LRP5: variants seen among roughly 807,000 people sequenced by gnomAD.
LRP5 encodes low-density lipoprotein receptor-related protein 5.
A neutral mutation model predicts 154.1 loss-of-function variants in LRP5; 62 were observed. The ratio of observed to expected loss-of-function variants is 0.40; its 90% CI spans 0.33 to 0.50. LRP5 has a LOEUF of 0.50. LRP5 is among the 20% of genes least tolerant of loss of function. The pLI is 0.55. For synonymous variants in LRP5, 966 were observed against 1,011.5 expected (o/e 0.96, Z 0.85); for missense variants, 1,915 against 2,336.7 (o/e 0.82, Z 3.72).
In LRP5 at chr11:68,409,978, A is replaced by T; in HGVS notation, c.2156A>T (p.Tyr719Phe). Residue 719 changes from tyrosine to phenylalanine, a missense_variant, in exon 10 of 23, where the codon TAC becomes TTC. By Grantham distance (22) the Tyr-to-Phe change is conservative. This residue lies in a region of LRP5 where 773 missense variants were observed against 1,100.9 expected (regional missense o/e 0.70). Transcript: ENST00000294304. ...CACGTGGTGGAGTTTGGCCTTGACT[A>T]CCCCGAGGGCATGGCCGTTGACTGG... is the stretch of plus-strand genomic sequence containing the variant. ...VEHVVEFGLD[Y>F]PEGMAVDWMG... is the part of the protein sequence containing the mutation. The T allele has an allele frequency of 6.2e-7, 1 of 1,613,794 alleles. No homozygotes were observed. The highest frequency in any genetic ancestry group is 8.5e-7 in the Non-Finnish European group (1 of 1,179,970).
chr11:68,425,124 C>A lies in LRP5; in HGVS notation c.3259C>A (p.Gln1087Lys). 1 of 1,613,802 alleles carries A rather than the reference C, an allele frequency of 6.2e-7. No homozygotes were observed. Among genetic ancestry groups the A allele is most frequent in the Non-Finnish European group, 8.5e-7 (1 of 1,179,980 alleles). The change falls in exon 15 of 23, where the codon CAG becomes AAG. Residue 1087 changes from glutamine (Q) to lysine (K), a missense_variant. Physicochemically the swap from Gln to Lys is moderately conservative, Grantham distance 53. Coordinates refer to ENST00000294304, the MANE Select transcript of LRP5 (RefSeq NM_002335.4). The stretch of plus-strand genomic sequence containing the variant: ...CAGGTACCTGTACTTCACCAACATG[C>A]AGGACCGGGCAGCCAAGATCGAACG... ...ERGYLYFTNM[Q>K]DRAAKIERAA...
chr11:68,314,477 G>T (rs558823521), intron 1 of LRP5, among the ~76,000 whole-genome samples: 1 of 152,370 alleles, frequency 6.6e-6, no homozygotes, highest in South Asian at 2.1e-4. Flanking sequence ...CGGTTTTGAT[G>T]TTATATCCCT....
At chr11:68,328,924 C>T (rs1465714766) in intron 1 of LRP5, among the ~76,000 whole-genome samples, 1 of 152,230 alleles carries the variant, frequency 6.6e-6, no homozygotes, top group Non-Finnish European at 1.5e-5. Flanking sequence ...GGGCACAGAC[C>T]TTCCTCGGCT....
chr11:68,405,068 G>A (rs572356823), intron 8 of LRP5, among the ~76,000 whole-genome samples: 2 of 151,896 alleles, frequency 1.3e-5, no homozygotes, highest in South Asian at 4.2e-4. Context: ...CTGAGGCGGA[G>A]AATTGCTTGA....
At chr11:68,314,531 A>G (rs1164441142) in intron 1 of LRP5, among the ~76,000 whole-genome samples, 1 of 152,232 alleles carries the variant, frequency 6.6e-6, no homozygotes, top group Non-Finnish European at 1.5e-5. Flanking sequence ...CAGCGAAGCC[A>G]GTAAGTGGGC....
intron 1 of LRP5, among the ~76,000 whole-genome samples, chr11:68,340,471 C>T (rs182415403): frequency 3.9e-5 from 6 of 152,278 alleles, no homozygotes; most frequent in East Asian, 3.9e-4. Flanking sequence ...TACCCCCTCC[C>T]GGCTGTTACC....
chr11:68,409,291 TATATA>T (rs902532543), intron 9 of LRP5, among the ~76,000 whole-genome samples: 3 of 142,432 alleles, frequency 2.1e-5, no homozygotes, highest in African/African-American at 7.7e-5. Flanking sequence ...TTATAAATAA[TATATA>T]ATACATACTT....
intron 5 of LRP5, among the ~76,000 whole-genome samples, chr11:68,381,589 C>T (rs2098640275): frequency 6.6e-6 from 1 of 152,138 alleles, no homozygotes; most frequent in Non-Finnish European, 1.5e-5. Context: ...GGTCAGCAGC[C>T]CGCCTGGAGG....
chr11:68,391,654 T>C (rs2098646417), intron 7 of LRP5, among the ~76,000 whole-genome samples: 1 of 152,196 alleles, frequency 6.6e-6, no homozygotes, highest in Admixed American at 6.5e-5. Context: ...ACGAAAACCC[T>C]AGGAGCTGCA....
chr11:68,320,518 C>T (rs1482266739), intron 1 of LRP5, among the ~76,000 whole-genome samples: 18 of 149,154 alleles, frequency 1.2e-4, no homozygotes, highest in Admixed American at 4.7e-4. Flanking sequence ...TGCAGTGGCG[C>T]GATTGCCATC....
At chr11:68,304,246 G>T in the LRP5 span, among the ~76,000 whole-genome samples, 1 of 152,244 alleles carries the variant, frequency 6.6e-6, no homozygotes, top group Non-Finnish European at 1.5e-5. Context: ...TCCAGCTCCA[G>T]CCTTGGCTCA....
At chr11:68,392,590 A>G (rs1455766570) in intron 7 of LRP5, among the ~76,000 whole-genome samples, 2 of 152,180 alleles carry the variant, frequency 1.3e-5, no homozygotes, top group Non-Finnish European at 1.5e-5. Flanking sequence ...TATCTCTGCT[A>G]CTATCTACTT....
At chr11:68,357,913 C>T (rs2098624553) in intron 3 of LRP5, 66 bp downstream of exon 3, 2 of 1,439,694 alleles carry the variant, frequency 1.4e-6, no homozygotes. Context: ...GAAGGCGTTC[C>T]TTCTTAACTC....
chr11:68,390,870 G>A (rs186805265), intron 7 of LRP5, among the ~76,000 whole-genome samples: 3 of 152,126 alleles, frequency 2.0e-5, no homozygotes, highest in East Asian at 1.9e-4. Flanking sequence ...CGCTGTGGTC[G>A]GGTTTCAGTG....
intron 1 of LRP5, among the ~76,000 whole-genome samples, chr11:68,326,337 A>G (rs1008615964): frequency 2.6e-5 from 4 of 152,216 alleles, no homozygotes; most frequent in African/African-American, 7.2e-5. Flanking sequence ...GGACCCTGCC[A>G]TCTGCGTCTG....
At chr11:68,425,878 G>C in intron 15 of LRP5, 100 bp from the exon 16 acceptor site, 1 of 1,062,522 alleles carries the variant, frequency 9.4e-7, no homozygotes, top group Non-Finnish European at 1.4e-6. Flanking sequence ...GAATCCCCCA[G>C]GCTCCCTGGC....
chr11:68,377,356 A>G (rs1256193935), intron 5 of LRP5, among the ~76,000 whole-genome samples: 1 of 152,214 alleles, frequency 6.6e-6, no homozygotes. Flanking sequence ...CTGCAGGCCA[A>G]GGTGCCTGCC....
intron 5 of LRP5, among the ~76,000 whole-genome samples, chr11:68,369,786 G>A (rs185184846): frequency 1.0e-3 from 157 of 152,202 alleles, no homozygotes; most frequent in African/African-American, 3.6e-3. Flanking sequence ...CAGACTCATG[G>A]CTCAGTGAAG....
At chr11:68,348,973 A>T (rs1484185981) in intron 2 of LRP5, among the ~76,000 whole-genome samples, 2 of 151,018 alleles carry the variant, frequency 1.3e-5, no homozygotes, top group African/African-American at 4.9e-5. Context: ...TCAGCTTTCA[A>T]GATTTGTTAT....
Sources: gnomAD v4.1 joint callset for allele counts (sites outside exome capture counted in the v4.1 genomes callset) on GRCh38, gnomAD v4.1.1 for gene constraint, gnomAD v4.1.1 regional missense constraint, MANE v1.5 for transcripts, NCBI Gene and HGNC (gene_info 2026-07-23, HGNC 2026-07-21) for gene names.